The following EHBP1 variants were observed in gnomAD, a reference collection of about 807,000 sequenced individuals.
EHBP1 encodes the protein EH domain-binding protein 1.
A neutral mutation model predicts 144.0 loss-of-function variants in EHBP1; 55 were observed. That is an observed-to-expected ratio of 0.38 (90% CI 0.31 to 0.48). The LOEUF is 0.48. Among genes scored for constraint, EHBP1 ranks in the 20% least tolerant of loss-of-function variants. The pLI, the probability that EHBP1 is intolerant of heterozygous loss-of-function variation, is 0.98. For missense variants in EHBP1, 1,200 were observed against 1,364.2 expected (o/e 0.88, Z 1.90); for synonymous variants, 469 against 472.7 (o/e 0.99, Z 0.10).
At chr2:62,919,626 C>A (rs780071850) in intron 10 of EHBP1, among the ~76,000 whole-genome samples, 1 of 151,916 alleles carries the variant, frequency 6.6e-6, no homozygotes, top group African/African-American at 2.4e-5. Flanking sequence ...ATAAAGCATA[C>A]AAACAAACAG....
chr2:62,966,531 A>G (rs2058255613), intron 14 of EHBP1, among the ~76,000 whole-genome samples: 1 of 152,196 alleles, frequency 6.6e-6, no homozygotes. Flanking sequence ...GTGCAGTAGA[A>G]GTGTAACTGA....
intron 5 of EHBP1, 55 bp downstream of exon 5, chr2:62,771,447 T>C: frequency 7.4e-7 from 1 of 1,344,332 alleles, no homozygotes; most frequent in Non-Finnish European, 1.0e-6. Flanking sequence ...ATATATGCAT[T>C]ATTAAGGTAC....
At chr2:62,803,716 AT>A (rs1460717784) in intron 5 of EHBP1, among the ~76,000 whole-genome samples, 1 of 152,138 alleles carries the variant, frequency 6.6e-6, no homozygotes, top group Non-Finnish European at 1.5e-5. Flanking sequence ...TCTTGCAGAT[AT>A]TTTCACCCTG....
At chr2:62,826,343 C>A in intron 6 of EHBP1, 75 bp downstream of exon 6, 1 of 1,354,788 alleles carries the variant, frequency 7.4e-7, no homozygotes, top group Non-Finnish European at 9.9e-7. Context: ...AGTAGACTGG[C>A]AATAGTTGAA....
intron 3 of EHBP1, among the ~76,000 whole-genome samples, chr2:62,757,415 C>CTT (rs869184433): frequency 8.2e-6 from 1 of 121,896 alleles, no homozygotes; most frequent in Non-Finnish European, 1.8e-5. Flanking sequence ...TTCTTTCTTT[C>CTT]TTTTTTTTTT....
chr2:62,999,355 AC>A (rs2153227134), intron 19 of EHBP1, among the ~76,000 whole-genome samples: 1 of 152,316 alleles, frequency 6.6e-6, no homozygotes, highest in South Asian at 2.1e-4. Flanking sequence ...TATAAAATTA[AC>A]CATTTGAAAA....
chr2:62,911,553 C>G (rs899578738), intron 10 of EHBP1, among the ~76,000 whole-genome samples: 2 of 152,116 alleles, frequency 1.3e-5, no homozygotes, highest in Non-Finnish European at 2.9e-5. Flanking sequence ...CCTCTCCCTC[C>G]TGGGTTCAAG....
chr2:62,958,416 T>G (rs1283596608), intron 14 of EHBP1, among the ~76,000 whole-genome samples: 1 of 152,090 alleles, frequency 6.6e-6, no homozygotes. Flanking sequence ...TGCACAATAA[T>G]GTAAATGAAT....
chr2:63,001,943 T>A (rs1447688680), intron 19 of EHBP1, among the ~76,000 whole-genome samples: 3 of 152,178 alleles, frequency 2.0e-5, no homozygotes, highest in Non-Finnish European at 4.4e-5. Context: ...AGATCAATAT[T>A]CACTTATGCA....
chr2:62,961,424 G>T (rs933047409), intron 14 of EHBP1, among the ~76,000 whole-genome samples: 1 of 152,024 alleles, frequency 6.6e-6, no homozygotes, highest in Admixed American at 6.5e-5. Context: ...ATTGCTCTGG[G>T]TCTGTATTTT....
chr2:62,818,559 C>G (rs1280683147), intron 5 of EHBP1, among the ~76,000 whole-genome samples: 1 of 152,040 alleles, frequency 6.6e-6, no homozygotes, highest in Non-Finnish European at 1.5e-5. Context: ...GAACGTATCC[C>G]TGTCATTAAA....
intron 19 of EHBP1, 42 bp downstream of exon 19, chr2:62,996,808 A>G: frequency 6.3e-7 from 1 of 1,599,304 alleles, no homozygotes; most frequent in Non-Finnish European, 8.5e-7. Flanking sequence ...TGGCAAATTG[A>G]GCGTTCACAA....
At chr2:62,893,466 C>T (rs1319647813) in intron 10 of EHBP1, among the ~76,000 whole-genome samples, 2 of 152,046 alleles carry the variant, frequency 1.3e-5, no homozygotes, top group African/African-American at 4.8e-5. Flanking sequence ...CAGTAGTGCT[C>T]ATTACTACTC....
At chr2:62,741,009 T>G (rs1472352999) in intron 2 of EHBP1, among the ~76,000 whole-genome samples, 1 of 152,148 alleles carries the variant, frequency 6.6e-6, no homozygotes, top group Non-Finnish European at 1.5e-5. Context: ...TTGGTGAACC[T>G]AACAAAAGTT....
At chr2:62,807,418 C>T (rs1213145609) in intron 5 of EHBP1, among the ~76,000 whole-genome samples, 1 of 152,138 alleles carries the variant, frequency 6.6e-6, no homozygotes, top group Non-Finnish European at 1.5e-5. Context: ...TGCGGTGGCA[C>T]ATGCCTGTAA....
chr2:62,925,341 T>A (rs1422659594), intron 10 of EHBP1, among the ~76,000 whole-genome samples: 1 of 151,664 alleles, frequency 6.6e-6, no homozygotes, highest in Non-Finnish European at 1.5e-5. Flanking sequence ...CTACTAGAAG[T>A]TCTAAGGAGA....
intron 4 of EHBP1, among the ~76,000 whole-genome samples, chr2:62,768,556 A>G (rs1015004127): frequency 2.6e-5 from 4 of 152,232 alleles, no homozygotes; most frequent in Non-Finnish European, 5.9e-5. Flanking sequence ...GCCCAGGACC[A>G]GATGAGTTCA....
chr2:63,042,500 T>A (rs901563151), intron 21 of EHBP1, among the ~76,000 whole-genome samples: 3 of 152,218 alleles, frequency 2.0e-5, no homozygotes, highest in African/African-American at 7.2e-5. Flanking sequence ...AGATTTAATA[T>A]TTTAAAAACC....
rs978372611 is a variant in EHBP1 at position 62,859,670 on chromosome 2, G to A, written c.757+379G>A. Among the ~76,000 whole-genome samples, 7 of 152,254 alleles carry A rather than the reference G, an allele frequency of 4.6e-5. No individual in the cohort carries two copies. In the East Asian group the frequency reaches 5.8e-4, roughly 13 times the overall value. On this transcript the variant is annotated intron_variant, in intron 8 of 22. Transcript: ENST00000431489. The stretch of plus-strand genomic sequence containing the variant: ...GCCCCAACTCTATGTCTCTCTAGCC[G>A]AGATTCTCTAGCAGAGAATTAGTAG...
Sources: allele counts gnomAD v4.1 joint callset (sites outside exome capture counted in the v4.1 genomes callset), GRCh38; gene constraint gnomAD v4.1.1; transcripts MANE v1.5; gene names NCBI Gene and HGNC (gene_info 2026-07-23, HGNC 2026-07-21).